MELK: variants seen among roughly 807,000 people sequenced by gnomAD.
MELK encodes the protein pEg3 kinase.
MELK carries 81 observed loss-of-function variants against 85.0 expected under a neutral mutation model. The observed-to-expected ratio is 0.95, with a 90% CI of 0.80 to 1.15. MELK has a LOEUF of 1.15. Ranked by LOEUF, MELK falls within the 50% of genes most tolerant of loss-of-function variation. The pLI is 0.00. For synonymous variants in MELK, 252 were observed against 265.0 expected, an observed-to-expected ratio of 0.95 and a Z score of 0.48; for missense variants, 754 against 777.5, an observed-to-expected ratio of 0.97 and a Z score of 0.36.
At chr9:36,602,271 T>A (rs1365142838) in intron 7 of MELK, among the ~76,000 whole-genome samples, 1 of 151,828 alleles carries the variant, frequency 6.6e-6, no homozygotes, top group Non-Finnish European at 1.5e-5. Flanking sequence ...GGTGGGCGGA[T>A]CATGAGGTTA....
chr9:36,611,752 C>CTATTATTATTATTATTATTATTAT (rs761980953), intron 8 of MELK, among the ~76,000 whole-genome samples: 1 of 145,404 alleles, frequency 6.9e-6, no homozygotes, highest in African/African-American at 2.6e-5. Flanking sequence ...ATAAATGTAG[C>CTATTATTATTATTATTATTATTAT]TATTATTATT....
At chr9:36,607,433 A>G (rs1352749748) in intron 7 of MELK, 142 bp from the exon 8 acceptor site, 6 of 645,406 alleles carry the variant, frequency 9.3e-6, no homozygotes, top group Non-Finnish European at 1.3e-5. Flanking sequence ...CTCTGACTAT[A>G]GAATAAGCAG....
chr9:36,621,662 A>G (rs991745483), intron 8 of MELK, among the ~76,000 whole-genome samples: 1 of 152,210 alleles, frequency 6.6e-6, no homozygotes, highest in Non-Finnish European at 1.5e-5. Context: ...GGAACTATTC[A>G]TGGTGATCCT....
chr9:36,633,928 A>G (rs1828875915), intron 10 of MELK, among the ~76,000 whole-genome samples: 1 of 152,264 alleles, frequency 6.6e-6, no homozygotes, highest in Non-Finnish European at 1.5e-5. Flanking sequence ...AGTTTCTGAT[A>G]GCCCATTAAA....
chr9:36,602,081 A>G (rs1345812479), intron 7 of MELK, among the ~76,000 whole-genome samples: 2 of 152,192 alleles, frequency 1.3e-5, no homozygotes, highest in African/African-American at 2.4e-5. Context: ...TTTTGGGTAT[A>G]TATTCAGAAG....
chr9:36,630,995 CCT>C (rs1828547467), intron 9 of MELK, among the ~76,000 whole-genome samples: 2 of 135,966 alleles, frequency 1.5e-5, no homozygotes, highest in South Asian at 4.8e-4. Flanking sequence ...ATGGAGTCTC[CCT>C]CTGTTGCCCA....
intron 3 of MELK, among the ~76,000 whole-genome samples, chr9:36,585,302 GTTTTTTTTTTTTT>G (rs869244728): frequency 5.1e-5 from 4 of 77,830 alleles, no homozygotes; most frequent in Admixed American, 1.6e-4. Flanking sequence ...ACCATTCTTT[GTTTTTTTTTTTTT>G]TTTTTTTTTT....
chr9:36,599,681 C>T (rs937748979), intron 7 of MELK, among the ~76,000 whole-genome samples, 195 bp downstream of exon 7: 1 of 152,156 alleles, frequency 6.6e-6, no homozygotes, highest in African/African-American at 2.4e-5. Flanking sequence ...AATATAGTAA[C>T]ATATACTTAT....
intron 13 of MELK, among the ~76,000 whole-genome samples, chr9:36,660,162 A>G (rs751067254): frequency 1.3e-5 from 2 of 152,048 alleles, no homozygotes; most frequent in Admixed American, 1.3e-4. Flanking sequence ...ATACATGTAC[A>G]TTGGGCTTGT....
At chr9:36,591,475 G>A (rs1823563571) in intron 4 of MELK, among the ~76,000 whole-genome samples, 2 of 152,060 alleles carry the variant, frequency 1.3e-5, no homozygotes, top group Admixed American at 1.3e-4. Context: ...CTGGGAGGCT[G>A]AGGTAGGAGG....
At position 36,651,929 on chromosome 9, in the gene MELK, T is replaced by C. The variant is rs769963888; in HGVS notation, c.1053+52T>C. ...GCCACGTGCCCTCCCTGTTCCTGAG[T>C]GTGTATACCACTGGGAAGGTAAACT... On this transcript the variant is annotated intron_variant, in intron 12 of 17. Coordinates refer to ENST00000298048, the MANE Select transcript of MELK (RefSeq NM_014791.4). 4 of 1,539,100 alleles carry C rather than the reference T, an allele frequency of 2.6e-6. No individual in the cohort carries two copies. In the Admixed American group the frequency reaches 7.1e-5, roughly 27 times the overall value.
At chr9:36,596,736 G>T (rs1442930168) in intron 5 of MELK, among the ~76,000 whole-genome samples, 4 of 151,546 alleles carry the variant, frequency 2.6e-5, no homozygotes. Context: ...ACAGGTATGC[G>T]CCACCATGCT....
At chr9:36,609,537 C>G (rs1027864286) in intron 8 of MELK, among the ~76,000 whole-genome samples, 1 of 151,400 alleles carries the variant, frequency 6.6e-6, no homozygotes, top group Non-Finnish European at 1.5e-5. Context: ...AGCCTTGACC[C>G]TCTGGGCTCA....
chr9:36,590,627 CCAAG>C (rs1357116104), intron 4 of MELK, among the ~76,000 whole-genome samples: 4 of 152,128 alleles, frequency 2.6e-5, no homozygotes, highest in African/African-American at 9.7e-5. Flanking sequence ...TTTATGTAAA[CCAAG>C]CAATTTCAAG....
rs1244973350 is a variant in MELK at position 36,665,722 on chromosome 9, A to G, written c.1408+141A>G. On this transcript the variant is annotated intron_variant, in intron 14 of 17. Coordinates refer to ENST00000298048, the MANE Select transcript of MELK (RefSeq NM_014791.4). Reference sequence around the variant, plus strand: ...AGCTGTTTTTTATCATGTCATTTGCATTAGTTAAAATGAAAGCATATTTGT... The same window carrying G: ...AGCTGTTTTTTATCATGTCATTTGCGTTAGTTAAAATGAAAGCATATTTGT... The G allele has an allele frequency of 2.7e-5, 16 of 592,464 alleles. No homozygotes were observed. The Middle Eastern group carries it at 1.3e-3, about 50-fold the overall frequency. 36.7% of individuals were successfully genotyped at this position (592,464 alleles called of 1,614,324 possible).
At chr9:36,620,803 C>G (rs1447723273) in intron 8 of MELK, among the ~76,000 whole-genome samples, 1 of 151,648 alleles carries the variant, frequency 6.6e-6, no homozygotes, top group African/African-American at 2.4e-5. Flanking sequence ...CCTGCCTTGG[C>G]CTCCTAAAGT....
chr9:36,612,912 T>C (rs188631038), intron 8 of MELK, among the ~76,000 whole-genome samples: 1 of 152,328 alleles, frequency 6.6e-6, no homozygotes, highest in East Asian at 1.9e-4. Flanking sequence ...TATGGAAAGA[T>C]TTTTAACTAA....
intron 8 of MELK, among the ~76,000 whole-genome samples, chr9:36,618,373 C>A (rs113771222): frequency 0.034 from 4,981 of 145,938 alleles, 277 homozygotes; most frequent in African/African-American, 0.12. Flanking sequence ...TGCGCCACTG[C>A]ACTCCAGCCT....
chr9:36,658,234 A>G (rs1025548233), intron 13 of MELK, among the ~76,000 whole-genome samples: 2 of 149,108 alleles, frequency 1.3e-5, no homozygotes, highest in African/African-American at 5.0e-5. Context: ...TATTTGCCCC[A>G]CTCTCTTTAT....
Sources: allele counts gnomAD v4.1 joint callset (sites outside exome capture counted in the v4.1 genomes callset), GRCh38; gene constraint gnomAD v4.1.1; transcripts MANE v1.5; gene names NCBI Gene and HGNC (gene_info 2026-07-23, HGNC 2026-07-21).